Variants in OXSR1 observed in about 807,000 individuals in gnomAD.
The protein encoded by OXSR1 is oxidative stress responsive kinase 1.
A neutral mutation model predicts 79.8 loss-of-function variants in OXSR1; 24 were observed. The observed-to-expected ratio is 0.30, with a 90% CI of 0.22 to 0.42. The LOEUF (loss-of-function observed/expected upper bound fraction) is 0.42, where lower values mean the gene tolerates loss of function less well. Among genes scored for constraint, OXSR1 ranks in the 10% least tolerant of loss-of-function variants. The probability of loss-of-function intolerance (pLI) is 1.00; values close to 1 mark genes in which losing one functional copy is unlikely to be tolerated. For synonymous variants in OXSR1, 226 were observed against 209.2 expected (o/e 1.08, Z -0.69); for missense variants, 430 against 618.4 (o/e 0.70, Z 3.23).
chr3:38,248,155 A>G (rs1480460306), intron 14 of OXSR1, among the ~76,000 whole-genome samples: 1 of 152,116 alleles, frequency 6.6e-6, no homozygotes, highest in Non-Finnish European at 1.5e-5. Context: ...GTGGTAGATC[A>G]AATAAAGGCC....
chr3:38,214,235 AGT>A (rs1702441599), intron 4 of OXSR1, among the ~76,000 whole-genome samples: 1 of 150,340 alleles, frequency 6.7e-6, no homozygotes, highest in African/African-American at 2.5e-5. Flanking sequence ...GTTATGTAAT[AGT>A]TGTTAAAAAT....
intron 4 of OXSR1, among the ~76,000 whole-genome samples, chr3:38,203,574 C>T (rs777399960): frequency 2.6e-5 from 4 of 152,136 alleles, no homozygotes; most frequent in Non-Finnish European, 5.9e-5. Context: ...GTCTTGGACT[C>T]TTATAGACTC....
At chr3:38,250,330 C>G (rs1410603118) in intron 15 of OXSR1, among the ~76,000 whole-genome samples, 1 of 152,154 alleles carries the variant, frequency 6.6e-6, no homozygotes, top group Non-Finnish European at 1.5e-5. Context: ...ATTATTATCC[C>G]CATAGTATCG....
intron 1 of OXSR1, among the ~76,000 whole-genome samples, chr3:38,181,348 T>C (rs1339781701): frequency 6.6e-6 from 1 of 150,948 alleles, no homozygotes; most frequent in Non-Finnish European, 1.5e-5. Flanking sequence ...TTTATTTGTT[T>C]CAAAAGTTTT....
intron 10 of OXSR1, among the ~76,000 whole-genome samples, chr3:38,232,806 A>G (rs2125844221): frequency 6.6e-6 from 1 of 152,256 alleles, no homozygotes; most frequent in East Asian, 1.9e-4. Flanking sequence ...ATAAACCTCT[A>G]GTGGACAAAA....
At chr3:38,234,277 G>A (rs1048714577) in intron 10 of OXSR1, among the ~76,000 whole-genome samples, 11 of 152,204 alleles carry the variant, frequency 7.2e-5, no homozygotes, top group African/African-American at 2.7e-4. Context: ...TAAGACTTTT[G>A]TGCTTCAATA....
At chr3:38,199,201 A>G (rs764010156) in intron 4 of OXSR1, among the ~76,000 whole-genome samples, 3 of 152,012 alleles carry the variant, frequency 2.0e-5, no homozygotes, top group Admixed American at 1.3e-4. Flanking sequence ...ATTTTACATT[A>G]TATTTTCAGT....
intron 1 of OXSR1, among the ~76,000 whole-genome samples, 191 bp downstream of exon 1, chr3:38,166,137 G>A (rs986604570): frequency 1.3e-5 from 2 of 151,710 alleles, no homozygotes; most frequent in African/African-American, 2.4e-5. Flanking sequence ...TGAGGCGCGC[G>A]CCTGTGAGGT....
At position 38,254,887 on chromosome 3, in the gene OXSR1, G is replaced by C. The variant is rs1703332295; in HGVS notation, c.*1996G>C. The C allele has an allele frequency of 6.6e-6, 1 of 152,610 alleles. No individual in the cohort carries two copies. Among genetic ancestry groups the C allele is most frequent in the Non-Finnish European group, 1.5e-5 (1 of 68,064 alleles). 9.5% of individuals were successfully genotyped at this position (152,610 alleles called of 1,614,324 possible). A position where few individuals can be genotyped will look rare whatever the true frequency, so the allele number is the denominator to read the frequency against. ...AGCCCATCATTACCTGTGAACTGCA[G>C]TGGGGCAGTCATGGCAAATAGAATT... On this transcript the variant is annotated 3_prime_UTR_variant, in exon 18 of 18. Transcript: ENST00000311806.
At position 38,221,641 on chromosome 3, in the gene OXSR1, C is replaced by T; in HGVS notation, c.554C>T (p.Thr185Ile). ...ATTACCCGAAATAAAGTGAGAAAGACCTTTGTTGGCACCCCTTGTTGGATG... is the reference window on the plus strand; with the variant it reads ...ATTACCCGAAATAAAGTGAGAAAGATCTTTGTTGGCACCCCTTGTTGGATG... The part of the protein sequence containing the change: ...GDITRNKVRK[T>I]FVGTPCWMAP... Residue 185 changes from threonine (T) to isoleucine (I), a missense_variant, in exon 6 of 18, where the codon ACC (threonine) becomes ATC (isoleucine). This residue lies in a region of OXSR1 where 145 missense variants were observed against 228.3 expected (regional missense o/e 0.64). Transcript: ENST00000311806. The T allele has an allele frequency of 6.2e-7, 1 of 1,613,234 alleles. No individual in the cohort carries two copies.
intron 2 of OXSR1, among the ~76,000 whole-genome samples, chr3:38,187,870 G>A (rs1472369807): frequency 1.3e-5 from 2 of 152,238 alleles, no homozygotes; most frequent in East Asian, 1.9e-4. Flanking sequence ...ATAGGTGTGA[G>A]CCACTGTACC....
intron 7 of OXSR1, among the ~76,000 whole-genome samples, chr3:38,224,201 T>C (rs182238728): frequency 1.8e-4 from 27 of 152,364 alleles, no homozygotes; most frequent in Non-Finnish European, 2.9e-4. Flanking sequence ...CAATCACTTT[T>C]TGTCTCTATG....
chr3:38,181,081 T>C (rs781385358), intron 1 of OXSR1, among the ~76,000 whole-genome samples: 46 of 152,206 alleles, frequency 3.0e-4, no homozygotes, highest in Non-Finnish European at 6.0e-4. Context: ...ATTTTAGATC[T>C]TTTATCATTA....
chr3:38,169,457 C>T (rs1158299525), intron 1 of OXSR1, among the ~76,000 whole-genome samples: 1 of 152,066 alleles, frequency 6.6e-6, no homozygotes, highest in Non-Finnish European at 1.5e-5. Context: ...AGGTGCCTGC[C>T]ACCATGCCCA....
intron 14 of OXSR1, among the ~76,000 whole-genome samples, chr3:38,248,273 TC>T (rs1326009809): frequency 1.3e-5 from 2 of 151,794 alleles, no homozygotes; most frequent in Non-Finnish European, 2.9e-5. Flanking sequence ...TATAGAGAGG[TC>T]CTGACAGATT....
At chr3:38,179,870 G>T (rs181631605) in intron 1 of OXSR1, among the ~76,000 whole-genome samples, 3 of 151,470 alleles carry the variant, frequency 2.0e-5, no homozygotes, top group Non-Finnish European at 2.9e-5. Flanking sequence ...GGAAAGTGGC[G>T]CAATCTCAGC....
chr3:38,212,804 C>G (rs1426730669), intron 4 of OXSR1, among the ~76,000 whole-genome samples: 1 of 152,208 alleles, frequency 6.6e-6, no homozygotes, highest in Non-Finnish European at 1.5e-5. Context: ...GAGCTGCTGA[C>G]TTGCTTGATA....
intron 1 of OXSR1, among the ~76,000 whole-genome samples, chr3:38,167,081 G>GGCT (rs1701480078): frequency 6.6e-6 from 1 of 152,180 alleles, no homozygotes; most frequent in Non-Finnish European, 1.5e-5. Flanking sequence ...AGGATAGAGA[G>GGCT]GGAAGGGAGG....
chr3:38,207,686 A>G (rs1323201885), intron 4 of OXSR1, among the ~76,000 whole-genome samples: 2 of 152,166 alleles, frequency 1.3e-5, no homozygotes, highest in African/African-American at 2.4e-5. Context: ...TGCTGGGACA[A>G]GAACACCTAT....
Sources: allele counts gnomAD v4.1 joint callset (sites outside exome capture counted in the v4.1 genomes callset), GRCh38; gene constraint gnomAD v4.1.1; regional missense constraint gnomAD v4.1.1; transcripts MANE v1.5; gene names NCBI Gene and HGNC (gene_info 2026-07-23, HGNC 2026-07-21).